The following CIROZ variants were observed in gnomAD, a reference collection of about 807,000 sequenced individuals.
The protein encoded by CIROZ is ciliated left-right organizer protein containing ZP-N domains, also known as ciliated left-right organizer ZP-N domains-containing protein.
chr1:10,976,930 G>A, the CIROZ span, among the ~76,000 whole-genome samples: 12 of 152,244 alleles, frequency 7.9e-5, no homozygotes, highest in East Asian at 1.9e-4. Flanking sequence ...CTGAGGCAGC[G>A]GGGGATGGCT....
chr1:10,948,532 C>T, the CIROZ span: 2 of 1,614,108 alleles, frequency 1.2e-6, no homozygotes, highest in Non-Finnish European at 1.7e-6. Flanking sequence ...ACAGATGGTC[C>T]TGAGACCAGA....
chr1:10,957,182 C>CCCCTCT, the CIROZ span: 3 of 1,211,624 alleles, frequency 2.5e-6, no homozygotes, highest in Admixed American at 7.8e-5. Flanking sequence ...CCACAGGGGC[C>CCCCTCT]CCCTCTCCTA....
the CIROZ span, chr1:10,947,797 G>A: frequency 3.1e-6 from 5 of 1,600,254 alleles, no homozygotes; most frequent in African/African-American, 6.7e-5. Flanking sequence ...GCCTGGAAGG[G>A]GTATTCAAGC....
chr1:10,948,263 C>A, the CIROZ span: 2 of 1,613,960 alleles, frequency 1.2e-6, no homozygotes, highest in Non-Finnish European at 1.7e-6. Context: ...TCTGGCGTGG[C>A]CTCTCCACCT....
the CIROZ span, among the ~76,000 whole-genome samples, chr1:10,958,312 G>T: frequency 6.6e-6 from 1 of 152,170 alleles, no homozygotes; most frequent in African/African-American, 2.4e-5. Context: ...GGGAGGCTGC[G>T]GGAAACACTC....
the CIROZ span, among the ~76,000 whole-genome samples, chr1:10,973,629 A>C: frequency 6.6e-6 from 1 of 152,062 alleles, no homozygotes; most frequent in African/African-American, 2.4e-5. Flanking sequence ...TGCAGCAGGG[A>C]GGTGTGGCTG....
chr1:10,959,363 C>T, the CIROZ span, among the ~76,000 whole-genome samples: 1 of 152,168 alleles, frequency 6.6e-6, no homozygotes, highest in Non-Finnish European at 1.5e-5. The surrounding 1 kb of genome is among the most constrained non-coding windows in gnomAD (Gnocchi z 4.3). Context: ...TCACAGCCAT[C>T]CCGTAGGGTG....
At chr1:10,965,191 G>C in the CIROZ span, among the ~76,000 whole-genome samples, 1 of 143,254 alleles carries the variant, frequency 7.0e-6, no homozygotes, top group African/African-American at 2.6e-5. Flanking sequence ...GGGTGACGGG[G>C]CTGTCAGAGA....
the CIROZ span, among the ~76,000 whole-genome samples, chr1:10,965,528 A>C: frequency 6.6e-6 from 1 of 152,196 alleles, no homozygotes; most frequent in Non-Finnish European, 1.5e-5. Context: ...ATTCCAGACC[A>C]GCCTGGGCAA....
chr1:10,960,233 CAAAAAAT>C, the CIROZ span, among the ~76,000 whole-genome samples: 1 of 151,788 alleles, frequency 6.6e-6, no homozygotes, highest in Non-Finnish European at 1.5e-5. This position sits in a 1 kb window ranked among gnomAD's most constrained non-coding sequence, Gnocchi z 4.6. Context: ...ACCGAAAATA[CAAAAAAT>C]AAAAAATAAA....
chr1:10,951,727 AT>A, the CIROZ span, among the ~76,000 whole-genome samples: 124 of 127,528 alleles, frequency 9.7e-4, 1 homozygote, highest in African/African-American at 3.8e-3. Flanking sequence ...CCTGTCTCTT[AT>A]TTAAAAAAAA....
At chr1:10,976,338 T>TC in the CIROZ span, 1 of 255,720 alleles carries the variant, frequency 3.9e-6, no homozygotes, top group East Asian at 1.2e-4. Flanking sequence ...ATTATATTTC[T>TC]TTTTTTTTTT....
the CIROZ span, among the ~76,000 whole-genome samples, chr1:10,977,721 T>C: frequency 6.6e-6 from 1 of 152,122 alleles, no homozygotes; most frequent in African/African-American, 2.4e-5. Context: ...ATTGGTTGCA[T>C]TGCCATAGGT....
the CIROZ span, among the ~76,000 whole-genome samples, chr1:10,950,661 T>A: frequency 6.6e-6 from 1 of 152,154 alleles, no homozygotes; most frequent in Non-Finnish European, 1.5e-5. Context: ...ATCCCCTGAG[T>A]CATGACAACC....
At chr1:10,952,698 G>A in the CIROZ span, among the ~76,000 whole-genome samples, 1 of 152,178 alleles carries the variant, frequency 6.6e-6, no homozygotes, top group Non-Finnish European at 1.5e-5. Context: ...TTTTAGGAGA[G>A]ACAGGGTTTC....
At chr1:10,951,743 A>AT in the CIROZ span, among the ~76,000 whole-genome samples, 978 of 124,360 alleles carry the variant, frequency 7.9e-3, 5 homozygotes, top group African/African-American at 0.017. Context: ...AAAAAAAAAA[A>AT]AAATATATAT....
At chr1:10,969,958 A>G in the CIROZ span, 6 of 1,524,080 alleles carry the variant, frequency 3.9e-6, no homozygotes, top group African/African-American at 6.9e-5. Context: ...CCAGCCACCG[A>G]CCACCTCTTA....
the CIROZ span, among the ~76,000 whole-genome samples, chr1:10,951,637 A>G: frequency 6.6e-6 from 1 of 151,186 alleles, no homozygotes; most frequent in Non-Finnish European, 1.5e-5. Context: ...AGACAGGAGG[A>G]TCCCTTGAGC....
At chr1:10,957,862 G>A in the CIROZ span, 15 of 1,290,234 alleles carry the variant, frequency 1.2e-5, no homozygotes, top group Middle Eastern at 4.1e-4. Flanking sequence ...ACAGGGTCAC[G>A]GGGAGGATAA....
Sources: allele counts gnomAD v4.1 joint callset (sites outside exome capture counted in the v4.1 genomes callset), GRCh38; gene constraint gnomAD v4.1.1; non-coding constraint Gnocchi (gnomAD v3.1); transcripts MANE v1.5; gene names NCBI Gene and HGNC (gene_info 2026-07-23, HGNC 2026-07-21).